Variants in ROBO1 observed in about 807,000 individuals in gnomAD.
ROBO1 encodes roundabout guidance receptor 1.
Under a neutral mutation model 195.9 loss-of-function variants are expected in ROBO1, and 149 were observed. The ratio of observed to expected loss-of-function variants is 0.76; its 90% CI spans 0.67 to 0.87. The LOEUF (loss-of-function observed/expected upper bound fraction) is 0.87, where lower values mean the gene tolerates loss of function less well. ROBO1 is among the 40% of genes least tolerant of loss of function. ROBO1 has a pLI of 0.00. For synonymous variants in ROBO1, 816 were observed against 733.2 expected (o/e 1.11, Z -1.82); for missense variants, 1,933 against 2,068.3 (o/e 0.93, Z 1.27).
intron 2 of ROBO1, among the ~76,000 whole-genome samples, chr3:79,289,680 C>A (rs192346208): frequency 3.3e-5 from 5 of 152,222 alleles, no homozygotes; most frequent in Admixed American, 3.3e-4. Context: ...TTAAATAATA[C>A]ATTTTATGAA....
chr3:79,409,297 G>A (rs574978415), intron 2 of ROBO1, among the ~76,000 whole-genome samples: 144 of 151,934 alleles, frequency 9.5e-4, no homozygotes, highest in African/African-American at 3.4e-3. Context: ...TCTGATATAG[G>A]CAAAAAAAAT....
chr3:78,850,385 T>C (rs1040590079), intron 4 of ROBO1, among the ~76,000 whole-genome samples: 8 of 152,318 alleles, frequency 5.3e-5, no homozygotes, highest in South Asian at 2.1e-4. Context: ...GCAATTTTAA[T>C]ATTAACTTTA....
chr3:79,459,827 C>T (rs961385882), intron 2 of ROBO1, among the ~76,000 whole-genome samples: 4 of 151,988 alleles, frequency 2.6e-5, no homozygotes, highest in African/African-American at 9.7e-5. Context: ...AAATAAGGTA[C>T]TTTGACCCGG....
chr3:79,122,131 A>T lies in ROBO1; in HGVS notation c.172+3325T>A, dbSNP rs72894193. Among the ~76,000 whole-genome samples, 1,253 of 152,162 alleles carry T rather than the reference A, an allele frequency of 8.2e-3. 15 individuals are homozygous for T. The highest frequency in any genetic ancestry group is 0.029 in the African/African-American group (1,187 of 41,560). ...AAAAATCATTGATTATTACATATTC[A>T]GACTCTTTTGGATGTATGTTTGACC... On this transcript the variant is annotated intron_variant, in intron 3 of 30. Coordinates refer to ENST00000464233, the MANE Select transcript of ROBO1 (RefSeq NM_002941.4).
At chr3:79,353,400 AACACACACACACACACACAC>A (rs10608740) in intron 2 of ROBO1, among the ~76,000 whole-genome samples, 1 of 148,124 alleles carries the variant, frequency 6.8e-6, no homozygotes, top group Non-Finnish European at 1.5e-5. Flanking sequence ...CACAGAAACA[AACACACACACACACACACAC>A]ACACACACAC....
At position 79,185,361 on chromosome 3, in the gene ROBO1, A is replaced by G. The variant is rs570950804; in HGVS notation, c.89-59822T>C. On this transcript the variant is annotated intron_variant, in intron 2 of 30. Coordinates refer to ENST00000464233, the MANE Select transcript of ROBO1 (RefSeq NM_002941.4). The stretch of plus-strand genomic sequence containing the variant: ...TATTCTAATGGAATTTCAGCCAGTC[A>G]GTAGAGAGATTTAGGACAAAAAGTT... Among the ~76,000 whole-genome samples, 6 of 152,290 alleles carry G rather than the reference A, an allele frequency of 3.9e-5. No homozygotes were observed. The South Asian group carries it at 6.2e-4, about 16-fold the overall frequency.
At chr3:78,862,411 C>A (rs1386900284) in intron 4 of ROBO1, among the ~76,000 whole-genome samples, 2 of 152,118 alleles carry the variant, frequency 1.3e-5, no homozygotes, top group African/African-American at 2.4e-5. Flanking sequence ...GAATAAGGAA[C>A]GCAGCCCTAT....
chr3:79,585,991 A>G (rs1489475994), intron 2 of ROBO1, among the ~76,000 whole-genome samples: 1 of 151,946 alleles, frequency 6.6e-6, no homozygotes, highest in Non-Finnish European at 1.5e-5. Flanking sequence ...CCTGTGGATC[A>G]TAAACTTTGT....
chr3:79,193,251 T>C (rs2081572801), intron 2 of ROBO1, among the ~76,000 whole-genome samples: 1 of 151,680 alleles, frequency 6.6e-6, no homozygotes, highest in Non-Finnish European at 1.5e-5. Context: ...GAGTCTTGGT[T>C]GGATACAAAA....
At chr3:79,258,890 T>C (rs2082885934) in intron 2 of ROBO1, among the ~76,000 whole-genome samples, 4 of 151,992 alleles carry the variant, frequency 2.6e-5, no homozygotes, top group African/African-American at 9.7e-5. Flanking sequence ...TAGAAATCCA[T>C]TTGAAAAATG....
At chr3:78,853,587 G>A (rs1164327592) in intron 4 of ROBO1, among the ~76,000 whole-genome samples, 1 of 151,816 alleles carries the variant, frequency 6.6e-6, no homozygotes, top group African/African-American at 2.4e-5. Context: ...TGCTATAAAG[G>A]TATTTTTTAG....
At chr3:79,057,036 A>G (rs1195662956) in intron 3 of ROBO1, among the ~76,000 whole-genome samples, 1 of 152,042 alleles carries the variant, frequency 6.6e-6, no homozygotes, top group Non-Finnish European at 1.5e-5. Context: ...GGCTGATTTT[A>G]TTGGCATTTT....
rs368176882 is a variant in ROBO1, at chr3:79,325,833, G to T, written c.89-200294C>A. ...GATAACAGCAATGTTTAGGAAACAA[G>T]AGAGATAACCTTAAACTCTGACCAC... On this transcript the variant is annotated intron_variant, in intron 2 of 30. Coordinates refer to ENST00000464233, the MANE Select transcript of ROBO1 (RefSeq NM_002941.4). Among the ~76,000 whole-genome samples, 8 of 152,302 alleles carry T rather than the reference G, an allele frequency of 5.3e-5. No individual in the cohort carries two copies. The South Asian group carries it at 1.2e-3, about 24-fold the overall frequency.
chr3:78,953,866 T>C (rs180995576), intron 3 of ROBO1, among the ~76,000 whole-genome samples: 1 of 152,136 alleles, frequency 6.6e-6, no homozygotes, highest in East Asian at 1.9e-4. Flanking sequence ...CAAAATAATA[T>C]TACATTGATC....
rs535227587 is a variant in ROBO1, at chr3:78,852,576, T to A, written c.499+86025A>T. The stretch of plus-strand genomic sequence containing the variant: ...CATTTAATGCTTGCCCAGTGTTTAA[T>A]CCTTTGTCCTCAATATTTTATGCCC... On this transcript the variant is annotated intron_variant, in intron 4 of 30. Coordinates refer to ENST00000464233, the MANE Select transcript of ROBO1 (RefSeq NM_002941.4). Among the ~76,000 whole-genome samples the A allele has an allele frequency of 3.9e-5, 6 of 152,318 alleles. No individual in the cohort carries two copies. The South Asian group carries it at 1.2e-3, about 32-fold the overall frequency.
intron 8 of ROBO1, among the ~76,000 whole-genome samples, chr3:78,712,028 A>C (rs1212505830): frequency 3.5e-5 from 5 of 141,022 alleles, no homozygotes; most frequent in Admixed American, 7.0e-5. Flanking sequence ...AAAAAAAAAA[A>C]AAAAAAAAAA....
chr3:79,676,430 A>G (rs1946786581), intron 1 of ROBO1, among the ~76,000 whole-genome samples: 2 of 152,066 alleles, frequency 1.3e-5, no homozygotes, highest in Admixed American at 6.6e-5. Context: ...GGCTGTGATC[A>G]TGGAGTTTGC....
At chr3:79,294,414 G>A (rs2032459909) in intron 2 of ROBO1, among the ~76,000 whole-genome samples, 1 of 152,072 alleles carries the variant, frequency 6.6e-6, no homozygotes, top group South Asian at 2.1e-4. Context: ...AACTGAAACT[G>A]GAACCCTTCC....
intron 2 of ROBO1, among the ~76,000 whole-genome samples, chr3:79,534,339 A>G (rs1575982843): frequency 6.6e-6 from 1 of 152,110 alleles, no homozygotes; most frequent in East Asian, 1.9e-4. Context: ...GAAATAGAAA[A>G]CGAATATGCG....
Sources: gnomAD v4.1 joint callset for allele counts (sites outside exome capture counted in the v4.1 genomes callset) on GRCh38, gnomAD v4.1.1 for gene constraint, MANE v1.5 for transcripts, NCBI Gene and HGNC (gene_info 2026-07-23, HGNC 2026-07-21) for gene names.